The following BICRA variants were observed in gnomAD, a reference collection of about 807,000 sequenced individuals.
The protein encoded by BICRA is BRD4-interacting chromatin-remodeling complex-associated protein.
Under a neutral mutation model 96.9 loss-of-function variants are expected in BICRA, and 31 were observed. That is an observed-to-expected ratio of 0.32 (90% CI 0.24 to 0.43). The LOEUF (loss-of-function observed/expected upper bound fraction) is 0.43, where lower values mean the gene tolerates loss of function less well. BICRA is among the 20% of genes least tolerant of loss of function. BICRA has a pLI of 1.00. For synonymous variants in BICRA, 1,350 were observed against 1,071.8 expected (o/e 1.26, Z -5.07); for missense variants, 2,283 against 2,190.3 (o/e 1.04, Z -0.84).
At chr19:47,642,713 AAAAAAG>A (rs1241297760) in intron 1 of BICRA, among the ~76,000 whole-genome samples, 2 of 152,066 alleles carry the variant, frequency 1.3e-5, no homozygotes, top group African/African-American at 2.4e-5. Context: ...AAAAGAAAAG[AAAAAAG>A]AAAAAGAAAA....
intron 1 of BICRA, among the ~76,000 whole-genome samples, chr19:47,623,267 C>T (rs970496845): frequency 6.6e-6 from 1 of 152,078 alleles, no homozygotes; most frequent in Non-Finnish European, 1.5e-5. Context: ...TGTTTCTCCT[C>T]CTGCTGCTTT....
intron 1 of BICRA, among the ~76,000 whole-genome samples, chr19:47,610,564 A>G (rs1045680610): frequency 5.9e-5 from 9 of 151,370 alleles, no homozygotes; most frequent in Non-Finnish European, 1.0e-4. Context: ...GGTGGGCTGC[A>G]GTCTGTGCCC....
At chr19:47,628,275 G>A (rs539012152) in intron 1 of BICRA, among the ~76,000 whole-genome samples, 2 of 152,150 alleles carry the variant, frequency 1.3e-5, no homozygotes, top group African/African-American at 2.4e-5. Flanking sequence ...CCAGTTCCTG[G>A]GGGATCCTGT....
intron 1 of BICRA, among the ~76,000 whole-genome samples, chr19:47,644,422 T>TCCTC (rs1972428078): frequency 6.7e-6 from 1 of 149,262 alleles, no homozygotes; most frequent in Non-Finnish European, 1.5e-5. Flanking sequence ...CTTCCTTGCT[T>TCCTC]CCTCCCTCCC....
intron 1 of BICRA, among the ~76,000 whole-genome samples, chr19:47,637,418 C>G (rs1270649346): frequency 6.6e-6 from 1 of 150,542 alleles, no homozygotes; most frequent in East Asian, 2.0e-4. Flanking sequence ...TGCGCCCAGC[C>G]TGTTTTTATT....
At chr19:47,688,115 G>A (rs1335669716) in intron 7 of BICRA, among the ~76,000 whole-genome samples, 3 of 152,110 alleles carry the variant, frequency 2.0e-5, no homozygotes, top group African/African-American at 4.8e-5. Context: ...CCGCCTCCAC[G>A]TGGGGCTCTC....
intron 7 of BICRA, among the ~76,000 whole-genome samples, chr19:47,682,745 C>T (rs1420945216): frequency 6.6e-6 from 1 of 151,104 alleles, no homozygotes; most frequent in African/African-American, 2.4e-5. Context: ...GATCTTGGCT[C>T]ACTGCAACCT....
chr19:47,696,219 C>T (rs1973339658), intron 10 of BICRA, among the ~76,000 whole-genome samples: 1 of 152,046 alleles, frequency 6.6e-6, no homozygotes, highest in African/African-American at 2.4e-5. Flanking sequence ...AGGCAGAGGA[C>T]ACCCAGGGCT....
intron 7 of BICRA, among the ~76,000 whole-genome samples, chr19:47,685,786 T>TGTGTGTGCGCGTGC: frequency 8.5e-6 from 1 of 117,930 alleles, no homozygotes. Context: ...TGTGTGTGTG[T>TGTGTGTGCGCGTGC]GCGCGCGCGC....
intron 1 of BICRA, among the ~76,000 whole-genome samples, chr19:47,625,482 G>A (rs931878946): frequency 1.3e-5 from 2 of 152,070 alleles, no homozygotes; most frequent in African/African-American, 2.4e-5. Context: ...ACTTCACTGA[G>A]CTTATTTCCA....
intron 1 of BICRA, among the ~76,000 whole-genome samples, chr19:47,648,851 T>C (rs4801729): frequency 0.47 from 69,058 of 147,158 alleles, 16,929 homozygotes; most frequent in East Asian, 0.77. Context: ...CACGCTGGGC[T>C]ATTTTTTTTT....
intron 1 of BICRA, among the ~76,000 whole-genome samples, chr19:47,666,796 A>G (rs1030839151): frequency 6.7e-5 from 10 of 149,970 alleles, no homozygotes; most frequent in Non-Finnish European, 1.3e-4. Context: ...TGGTTCTCCA[A>G]CTCCTGAGTT....
At chr19:47,677,040 C>T (rs1972952690) in intron 5 of BICRA, among the ~76,000 whole-genome samples, 1 of 152,110 alleles carries the variant, frequency 6.6e-6, no homozygotes. Flanking sequence ...TGTCTGCCTG[C>T]CACTCCCCGC....
intron 1 of BICRA, among the ~76,000 whole-genome samples, chr19:47,658,828 T>C (rs1021230744): frequency 6.6e-6 from 1 of 151,934 alleles, no homozygotes; most frequent in African/African-American, 2.4e-5. Flanking sequence ...GCGCACGTCT[T>C]GGGGAACGTT....
intron 1 of BICRA, among the ~76,000 whole-genome samples, chr19:47,619,493 A>G (rs1433807062): frequency 6.6e-6 from 1 of 152,104 alleles, no homozygotes; most frequent in East Asian, 1.9e-4. Flanking sequence ...TCCTGACCTC[A>G]GGTGATCTGC....
In BICRA at chr19:47,701,861, G is replaced by A. The variant is rs1477795090; in HGVS notation, c.4129G>A (p.Gly1377Ser). ...PPAAPERKPLGTAPHCPRLPL... is the reference protein window; with the variant it reads ...PPAAPERKPLSTAPHCPRLPL... ...TGCCGCCCCCGAGCGCAAGCCCCTGGGCACCGCCCCGCACTGCCCGCGCCT... is the reference window on the plus strand; with the variant it reads ...TGCCGCCCCCGAGCGCAAGCCCCTGAGCACCGCCCCGCACTGCCCGCGCCT... Residue 1377 changes from glycine (G) to serine (S), a missense_variant, in exon 15 of 15, where the codon GGC becomes AGC. Coordinates refer to ENST00000594866, the MANE Select transcript of BICRA (RefSeq NM_001394372.1). The surrounding 1 kb of genome is among the most constrained non-coding windows in gnomAD (Gnocchi z 5.4). 6.6e-7 allele frequency: 1 copy of A among 1,505,034 alleles called. No homozygotes were observed. Among genetic ancestry groups the A allele is most frequent in the Admixed American group, 2.1e-5 (1 of 47,184 alleles). The allele number at this position is 1,505,034 out of a possible 1,614,324, so 93.2% of individuals were successfully genotyped here. A position where few individuals can be genotyped will look rare whatever the true frequency, so the allele number is the denominator to read the frequency against.
At position 47,694,124 on chromosome 19, in the gene BICRA, G is replaced by C; in HGVS notation, c.2293G>C (p.Ala765Pro). 1 of 1,226,436 alleles carries C rather than the reference G, an allele frequency of 8.2e-7. No homozygotes were observed. The highest frequency in any genetic ancestry group is 1.3e-5 in the South Asian group (1 of 75,376). The allele number at this position is 1,226,436 out of a possible 1,614,324, so 76.0% of individuals were successfully genotyped here. The change falls in exon 8 of 15, where the codon GCG becomes CCG. Residue 765 changes from alanine (A) to proline (P), a missense_variant. Coordinates refer to ENST00000594866, the MANE Select transcript of BICRA (RefSeq NM_001394372.1). ...SPAPAPQIPA[A>P]APLKGPGPSS... is the part of the protein sequence containing the mutation. The stretch of plus-strand genomic sequence containing the variant: ...TCCCTCCCCTGCCCAGATCCCGGCA[G>C]CGGCTCCGCTGAAGGGCCCAGGCCC...
intron 2 of BICRA, among the ~76,000 whole-genome samples, chr19:47,672,814 T>C (rs57690271): frequency 0.33 from 49,831 of 151,800 alleles, 10,481 homozygotes; most frequent in African/African-American, 0.59. Context: ...TGGCACCTAG[T>C]GAGCACTCGA....
At position 47,701,750 on chromosome 19, in the gene BICRA, C is replaced by G. The variant is rs1055829490; in HGVS notation, c.4018C>G (p.Leu1340Val). The G allele has an allele frequency of 1.9e-6, 3 of 1,550,450 alleles. No homozygotes were observed. The African/African-American group carries it at 4.1e-5, about 21-fold the overall frequency. Reference sequence around the variant, plus strand: ...CCAGCCCCCGCCACCCCCCGCTACCCTCAAGGTGGCCGAGCCCCCGCCACG... The same window carrying G: ...CCAGCCCCCGCCACCCCCCGCTACCGTCAAGGTGGCCGAGCCCCCGCCACG... Reference protein sequence around the residue: ...VHQPPPPPATLKVAEPPPRPP... With the variant: ...VHQPPPPPATVKVAEPPPRPP... The change falls in exon 15 of 15, where the codon CTC becomes GTC. Residue 1340 changes from leucine (L) to valine (V), a missense_variant. By Grantham distance (32) the Leu-to-Val change is conservative. Transcript: ENST00000594866. The surrounding 1 kb of genome is among the most constrained non-coding windows in gnomAD (Gnocchi z 5.4).
Sources: allele counts gnomAD v4.1 joint callset (sites outside exome capture counted in the v4.1 genomes callset), GRCh38; gene constraint gnomAD v4.1.1; non-coding constraint Gnocchi (gnomAD v3.1); transcripts MANE v1.5; gene names NCBI Gene and HGNC (gene_info 2026-07-23, HGNC 2026-07-21).